Variants in PURB observed in about 807,000 individuals in gnomAD.
PURB encodes transcriptional regulator protein Pur-beta.
PURB carries 11 observed loss-of-function variants against 21.1 expected under a neutral mutation model. That is an observed-to-expected ratio of 0.52 (90% confidence interval 0.33 to 0.86). The LOEUF is 0.86. Among genes scored for constraint, PURB ranks in the 40% least tolerant of loss-of-function variants. PURB has a pLI of 0.02. For synonymous variants in PURB, 246 were observed against 210.8 expected, an observed-to-expected ratio of 1.17 and a Z score of -1.45; for missense variants, 357 against 456.5, an observed-to-expected ratio of 0.78 and a Z score of 1.99.
At position 44,877,244 on chromosome 7, in the gene PURB, G is replaced by C. The variant is rs896459865; in HGVS notation, c.*7166C>G. ...TGTTATCTGGAAACAGAAGACAAAT[G>C]AATTTTAAAAATGATCTTGGAAAAA... On this transcript the variant is annotated 3_prime_UTR_variant, in exon 1 of 1. Coordinates refer to ENST00000395699, the MANE Select transcript of PURB (RefSeq NM_033224.5). 4.6e-5 allele frequency: 7 copies of C among 152,264 alleles called. No homozygotes were observed. The highest frequency in any genetic ancestry group is 1.0e-4 in the Non-Finnish European group (7 of 68,008). 9.4% of individuals were successfully genotyped at this position (152,264 alleles called of 1,614,324 possible). A position where few individuals can be genotyped will look rare whatever the true frequency, so the allele number is the denominator to read the frequency against.
Position 44,884,622 on chromosome 7 carries a change from C to T in PURB, c.727G>A (p.Val243Met). 6.2e-7 allele frequency: 1 copy of T among 1,614,234 alleles called. No homozygotes were observed. Among genetic ancestry groups the T allele is most frequent in the Non-Finnish European group, 8.5e-7 (1 of 1,180,044 alleles). ...FFDVGCNKYG[V>M]FLRVSEVKPS... ...TTCACCTCGCTCACTCGCAGAAACA[C>T]CCCGTATTTGTTGCAGCCCACATCG... The change falls in exon 1 of 1, where the codon GTG becomes ATG. Residue 243 changes from valine to methionine, a missense_variant. Coordinates refer to ENST00000395699, the MANE Select transcript of PURB (RefSeq NM_033224.5).
In PURB at chr7:44,876,345, T is replaced by C. The variant is rs533840645; in HGVS notation, c.*8065A>G. Reference sequence around the variant, plus strand: ...TTTGTTACAAACATACAATTTTTTTTAAATATAGACTGTAAAACTCCATTT... The same window carrying C: ...TTTGTTACAAACATACAATTTTTTTCAAATATAGACTGTAAAACTCCATTT... On this transcript the variant is annotated 3_prime_UTR_variant, in exon 1 of 1. Transcript: ENST00000395699. 6.6e-6 allele frequency: 1 copy of C among 152,648 alleles called. No homozygotes were observed. The highest frequency in any genetic ancestry group is 1.5e-5 in the Non-Finnish European group (1 of 68,042). 9.5% of individuals were successfully genotyped at this position (152,648 alleles called of 1,614,324 possible). A position where few individuals can be genotyped will look rare whatever the true frequency, so the allele number is the denominator to read the frequency against.
rs531241796 is a variant in PURB at position 44,879,221 on chromosome 7, A to T, written c.*5189T>A. ...ATGCCCGGCTAATTTTAGTATTTTT[A>T]GTAGAGACGGGGTTTCACCATGTTG... On this transcript the variant is annotated 3_prime_UTR_variant, in exon 1 of 1. Transcript: ENST00000395699. 3.9e-5 allele frequency: 6 copies of T among 152,206 alleles called. No individual in the cohort carries two copies. The highest frequency in any genetic ancestry group is 1.2e-4 in the African/African-American group (5 of 41,484). The allele number at this position is 152,206 out of a possible 1,614,324, so 9.4% of individuals were successfully genotyped here. A position where few individuals can be genotyped will look rare whatever the true frequency, so the allele number is the denominator to read the frequency against.
chr7:44,884,773 G>A lies in PURB; in HGVS notation c.576C>T (p.Asp192=), dbSNP rs777334527. The A allele has an allele frequency of 5.6e-6, 9 of 1,609,988 alleles. No individual in the cohort carries two copies. The East Asian group carries it at 1.6e-4, about 28-fold the overall frequency. Residue 192 remains aspartate (D), a synonymous_variant, in exon 1 of 1, where the codon GAC becomes GAT. Transcript: ENST00000395699. ...CCAGCTCGTCGTCCTCGCCTCCGTAGTCGTCTATGAGCTTCGCCAGCGCGT... is the reference window on the plus strand; with the variant it reads ...CCAGCTCGTCGTCCTCGCCTCCGTAATCGTCTATGAGCTTCGCCAGCGCGT... ...FRDALAKLID[D]YGGEDDELAG... is the part of the protein sequence containing the mutation.
In PURB at chr7:44,879,369, CTTTT is replaced by C. The variant is rs1306162565; in HGVS notation, c.*5037_*5040del. Reference sequence around the variant, plus strand: ...TGGAGCATATGACACATACTTTATTCTTTTTTGTCTGTATTTTCTTAAGGTAAAT... The same window carrying C: ...TGGAGCATATGACACATACTTTATTCTTGTCTGTATTTTCTTAAGGTAAAT... On this transcript the variant is annotated 3_prime_UTR_variant, in exon 1 of 1. Coordinates refer to ENST00000395699, the MANE Select transcript of PURB (RefSeq NM_033224.5). 6.6e-6 allele frequency: 1 copy of C among 151,346 alleles called. No individual in the cohort carries two copies. Among genetic ancestry groups the C allele is most frequent in the Non-Finnish European group, 1.5e-5 (1 of 67,736 alleles). The allele number at this position is 151,346 out of a possible 1,614,324, so 9.4% of individuals were successfully genotyped here.
rs1227142171 is a variant in PURB at position 44,881,794 on chromosome 7, CCA to C, written c.*2614_*2615del. The C allele has an allele frequency of 6.5e-6, 1 of 154,682 alleles. No individual in the cohort carries two copies. The highest frequency in any genetic ancestry group is 1.9e-4 in the East Asian group (1 of 5,196). The allele number at this position is 154,682 out of a possible 1,614,324, so 9.6% of individuals were successfully genotyped here. Reference sequence around the variant, plus strand: ...ATACTCTATATGCCTCAGACCACTTCCACATTCTTTCTATTCAGCTAATTATA... The same window carrying C: ...ATACTCTATATGCCTCAGACCACTTCCATTCTTTCTATTCAGCTAATTATA... On this transcript the variant is annotated 3_prime_UTR_variant, in exon 1 of 1. Coordinates refer to ENST00000395699, the MANE Select transcript of PURB (RefSeq NM_033224.5).
In PURB at chr7:44,883,501, G is replaced by A. The variant is rs189712720; in HGVS notation, c.*909C>T. The A allele has an allele frequency of 1.3e-5, 2 of 152,720 alleles. No individual in the cohort carries two copies. The highest frequency in any genetic ancestry group is 1.9e-4 in the East Asian group (1 of 5,178). The allele number at this position is 152,720 out of a possible 1,614,324, so 9.5% of individuals were successfully genotyped here. ...ATGACCTCCATATTTAGAGATCAGG[G>A]GAACAACTTTAGTGAGCAGCAACCA... On this transcript the variant is annotated 3_prime_UTR_variant, in exon 1 of 1. Transcript: ENST00000395699.
In PURB at chr7:44,880,801, A is replaced by C. The variant is rs373926841; in HGVS notation, c.*3609T>G. 1 of 152,688 alleles carries C rather than the reference A, an allele frequency of 6.5e-6. No individual in the cohort carries two copies. Among genetic ancestry groups the C allele is most frequent in the African/African-American group, 2.4e-5 (1 of 41,482 alleles). 9.5% of individuals were successfully genotyped at this position (152,688 alleles called of 1,614,324 possible). A position where few individuals can be genotyped will look rare whatever the true frequency, so the allele number is the denominator to read the frequency against. On this transcript the variant is annotated 3_prime_UTR_variant, in exon 1 of 1. Transcript: ENST00000395699. ...AAAAGCCTCTCAATCATTTTGCAGT[A>C]AATAATTATGGAAAGTGATGTGACA...
chr7:44,885,016 CTCCTCGGCGCCA>C lies in PURB; in HGVS notation c.321_332del (p.Ala109_Gly112del). The C allele has an allele frequency of 6.5e-7, 1 of 1,545,014 alleles. No homozygotes were observed. Among genetic ancestry groups the C allele is most frequent in the Non-Finnish European group, 8.7e-7 (1 of 1,147,304 alleles). On this transcript the variant is annotated inframe_deletion, in exon 1 of 1. Transcript: ENST00000395699. ...TGAGCGCGCGCCGCGGCCCGCCGCC[CTCCTCGGCGCCA>C]GCCGCCAGCTGCTCGGGGCTGCTAG...
In PURB at chr7:44,883,396, G is replaced by GT. The variant is rs1793907426; in HGVS notation, c.*1013dup. ...TTTAAAATCCAGCCAACCAGTGGCT[G>GT]TAACAGCCGAATTAGCCATAATTCA... is the stretch of plus-strand genomic sequence containing the variant. On this transcript the variant is annotated 3_prime_UTR_variant, in exon 1 of 1. Coordinates refer to ENST00000395699, the MANE Select transcript of PURB (RefSeq NM_033224.5). 6.6e-6 allele frequency: 1 copy of GT among 152,648 alleles called. No individual in the cohort carries two copies. Among genetic ancestry groups the GT allele is most frequent in the African/African-American group, 2.4e-5 (1 of 41,456 alleles). 9.5% of individuals were successfully genotyped at this position (152,648 alleles called of 1,614,324 possible). A position where few individuals can be genotyped will look rare whatever the true frequency, so the allele number is the denominator to read the frequency against.
Position 44,885,171 on chromosome 7 carries a change from TGAG to T in PURB, c.175_177del (p.Leu59del). The T allele has an allele frequency of 6.3e-7, 1 of 1,584,034 alleles. No individual in the cohort carries two copies. On this transcript the variant is annotated inframe_deletion, in exon 1 of 1. Transcript: ENST00000395699. Reference sequence around the variant, plus strand: ...CCGCCCGCGCCCACCTCGGCGATCTTGAGGAAGCGGCCCTTGGCGTTCTGCTTC... The same window carrying T: ...CCGCCCGCGCCCACCTCGGCGATCTTGAAGCGGCCCTTGGCGTTCTGCTTC...
Position 44,876,854 on chromosome 7 carries a change from G to T in PURB, c.*7556C>A, listed in dbSNP as rs1454364705. 1.3e-5 allele frequency: 2 copies of T among 152,568 alleles called. No individual in the cohort carries two copies. Among genetic ancestry groups the T allele is most frequent in the African/African-American group, 4.8e-5 (2 of 41,428 alleles). The allele number at this position is 152,568 out of a possible 1,614,324, so 9.5% of individuals were successfully genotyped here. ...TGTTTTATTTACAGACATTTATAGG[G>T]TTACAGGTGGAGGGGACCTTATAAA... is the stretch of plus-strand genomic sequence containing the variant. On this transcript the variant is annotated 3_prime_UTR_variant, in exon 1 of 1. Transcript: ENST00000395699.
rs752473666 is a variant in PURB at position 44,884,827 on chromosome 7, C to T, written c.522G>A (p.Leu174=). ...GGAACTCGATGAGGCCCTGCGCAGG[C>T]AGCGCGATGGTCTGGCCGCTCTGCA... ...GGLQSGQTIA[L]PAQGLIEFRD... Residue 174 remains leucine (L), a synonymous_variant, in exon 1 of 1, where the codon CTG becomes CTA. Coordinates refer to ENST00000395699, the MANE Select transcript of PURB (RefSeq NM_033224.5). 2 of 1,580,200 alleles carry T rather than the reference C, an allele frequency of 1.3e-6. No individual in the cohort carries two copies. Among genetic ancestry groups the T allele is most frequent in the Non-Finnish European group, 1.7e-6 (2 of 1,164,112 alleles).
Position 44,879,565 on chromosome 7 carries a change from A to G in PURB, c.*4845T>C, listed in dbSNP as rs78055879. ...ACCAACCCTGAAAACTGATAATCTCATTCACTTACTATAACTTCAGTGCTG... is the reference window on the plus strand; with the variant it reads ...ACCAACCCTGAAAACTGATAATCTCGTTCACTTACTATAACTTCAGTGCTG... On this transcript the variant is annotated 3_prime_UTR_variant, in exon 1 of 1. Coordinates refer to ENST00000395699, the MANE Select transcript of PURB (RefSeq NM_033224.5). 2.5e-3 allele frequency: 378 copies of G among 152,418 alleles called. No homozygotes were observed. Among genetic ancestry groups the G allele is most frequent in the African/African-American group, 8.7e-3 (359 of 41,460 alleles). The allele number at this position is 152,418 out of a possible 1,614,324, so 9.4% of individuals were successfully genotyped here.
Position 44,876,413 on chromosome 7 carries a change from C to T in PURB, c.*7997G>A, listed in dbSNP as rs1476399486. ...GGAGTGCACACCAGCAGGAAGGATTCTTACATTTTTTCTCTGTGAGTTTTT... is the reference window on the plus strand; with the variant it reads ...GGAGTGCACACCAGCAGGAAGGATTTTTACATTTTTTCTCTGTGAGTTTTT... On this transcript the variant is annotated 3_prime_UTR_variant, in exon 1 of 1. Coordinates refer to ENST00000395699, the MANE Select transcript of PURB (RefSeq NM_033224.5). The T allele has an allele frequency of 6.6e-6, 1 of 152,550 alleles. No individual in the cohort carries two copies. The highest frequency in any genetic ancestry group is 1.5e-5 in the Non-Finnish European group (1 of 68,018). 9.4% of individuals were successfully genotyped at this position (152,550 alleles called of 1,614,324 possible).
At position 44,879,269 on chromosome 7, in the gene PURB, C is replaced by G. The variant is rs1186463261; in HGVS notation, c.*5141G>C. ...TTGTCCAGGCTGACCTGAACTGACC[C>G]GCCCACCTCAGCCTCCCAGAGTGCT... On this transcript the variant is annotated 3_prime_UTR_variant, in exon 1 of 1. Transcript: ENST00000395699. The G allele has an allele frequency of 2.0e-5, 3 of 152,088 alleles. No individual in the cohort carries two copies. Among genetic ancestry groups the G allele is most frequent in the Non-Finnish European group, 2.9e-5 (2 of 68,066 alleles). The allele number at this position is 152,088 out of a possible 1,614,324, so 9.4% of individuals were successfully genotyped here. A position where few individuals can be genotyped will look rare whatever the true frequency, so the allele number is the denominator to read the frequency against.
chr7:44,878,220 A>G lies in PURB; in HGVS notation c.*6190T>C, dbSNP rs1348516044. On this transcript the variant is annotated 3_prime_UTR_variant, in exon 1 of 1. Transcript: ENST00000395699. ...AAAGGACAAACTCATGCCTTCTGCA[A>G]TATCCATCCTAGTGGACACTGAATA... The G allele has an allele frequency of 6.6e-6, 1 of 152,234 alleles. No homozygotes were observed. The highest frequency in any genetic ancestry group is 1.5e-5 in the Non-Finnish European group (1 of 68,048). The allele number at this position is 152,234 out of a possible 1,614,324, so 9.4% of individuals were successfully genotyped here.
Position 44,878,387 on chromosome 7 carries a change from C to T in PURB, c.*6023G>A, listed in dbSNP as rs1012802319. ...TGCTTCTAGACTCAAAATCTGTTGA[C>T]ACTTAAAGTATAATTATACTTTTTT... On this transcript the variant is annotated 3_prime_UTR_variant, in exon 1 of 1. Coordinates refer to ENST00000395699, the MANE Select transcript of PURB (RefSeq NM_033224.5). 1 of 152,206 alleles carries T rather than the reference C, an allele frequency of 6.6e-6. No individual in the cohort carries two copies. The highest frequency in any genetic ancestry group is 1.5e-5 in the Non-Finnish European group (1 of 68,034). 9.4% of individuals were successfully genotyped at this position (152,206 alleles called of 1,614,324 possible). A position where few individuals can be genotyped will look rare whatever the true frequency, so the allele number is the denominator to read the frequency against.
chr7:44,881,380 G>A lies in PURB; in HGVS notation c.*3030C>T, dbSNP rs1021775316. 6.6e-6 allele frequency: 1 copy of A among 152,500 alleles called. No individual in the cohort carries two copies. The highest frequency in any genetic ancestry group is 1.5e-5 in the Non-Finnish European group (1 of 68,010). 9.4% of individuals were successfully genotyped at this position (152,500 alleles called of 1,614,324 possible). A position where few individuals can be genotyped will look rare whatever the true frequency, so the allele number is the denominator to read the frequency against. On this transcript the variant is annotated 3_prime_UTR_variant, in exon 1 of 1. Coordinates refer to ENST00000395699, the MANE Select transcript of PURB (RefSeq NM_033224.5). ...ATTAATAATATTTACGAATGAATCT[G>A]TGTTTTGCAGGTTTCTATTGTCCCT...
Sources: gnomAD v4.1 joint callset for allele counts on GRCh38, gnomAD v4.1.1 for gene constraint, MANE v1.5 for transcripts, NCBI Gene and HGNC (gene_info 2026-07-23, HGNC 2026-07-21) for gene names.